The following B3GALT1 variants were observed in gnomAD, a reference collection of about 807,000 sequenced individuals.
B3GALT1 encodes the protein UDP-Gal:betaGlcNAc beta 1,3-galactosyltransferase, polypeptide 1.
A neutral mutation model predicts 23.2 loss-of-function variants in B3GALT1; 10 were observed. That is an observed-to-expected ratio of 0.43 (90% confidence interval 0.27 to 0.73). The LOEUF is 0.73. Ranked by LOEUF, B3GALT1 falls within the 30% of genes least tolerant of loss-of-function variation. The probability of loss-of-function intolerance (pLI) is 0.21; values close to 1 mark genes in which losing one functional copy is unlikely to be tolerated. For missense variants in B3GALT1, 299 were observed against 405.4 expected (o/e 0.74, Z 2.25); for synonymous variants, 156 against 141.5 (o/e 1.10, Z -0.73).
chr2:167,832,992 A>G (rs1488921428), intron 4 of B3GALT1, among the ~76,000 whole-genome samples: 1 of 152,224 alleles, frequency 6.6e-6, no homozygotes, highest in African/African-American at 2.4e-5. Context: ...ATGGGAAGCA[A>G]GTTCAATGGA....
chr2:167,541,458 T>C (rs1035794852), intron 2 of B3GALT1, among the ~76,000 whole-genome samples: 7 of 152,158 alleles, frequency 4.6e-5, no homozygotes, highest in Non-Finnish European at 8.8e-5. Flanking sequence ...TATTTGAAAA[T>C]GTCTTGCACA....
chr2:167,303,121 T>C (rs1696477459), intron 1 of B3GALT1, among the ~76,000 whole-genome samples: 1 of 152,196 alleles, frequency 6.6e-6, no homozygotes, highest in South Asian at 2.1e-4. Flanking sequence ...TGGTTGATCA[T>C]TGGTTGCCTT....
At chr2:167,342,467 G>T (rs1230959347) in intron 1 of B3GALT1, among the ~76,000 whole-genome samples, 1 of 151,994 alleles carries the variant, frequency 6.6e-6, no homozygotes, top group Non-Finnish European at 1.5e-5. Context: ...GCACACGTCT[G>T]TAGTCTCAGC....
intron 2 of B3GALT1, among the ~76,000 whole-genome samples, chr2:167,500,592 C>T (rs1699836552): frequency 6.6e-6 from 1 of 151,206 alleles, no homozygotes; most frequent in Non-Finnish European, 1.5e-5. Context: ...AGATAAGAGG[C>T]TCTGTGCTAC....
At chr2:167,402,453 A>G (rs1428480107) in intron 1 of B3GALT1, among the ~76,000 whole-genome samples, 1 of 152,170 alleles carries the variant, frequency 6.6e-6, no homozygotes, top group East Asian at 1.9e-4. Flanking sequence ...CTCTGATAGA[A>G]TAGCTAAGTG....
chr2:167,483,249 C>T (rs191167063), intron 1 of B3GALT1, among the ~76,000 whole-genome samples: 14 of 152,110 alleles, frequency 9.2e-5, no homozygotes, highest in South Asian at 2.1e-4. Context: ...GCTGAGATCG[C>T]GCCATTGCAC....
intron 3 of B3GALT1, among the ~76,000 whole-genome samples, chr2:167,733,240 C>T (rs1045654151): frequency 1.3e-5 from 2 of 152,080 alleles, no homozygotes; most frequent in Non-Finnish European, 2.9e-5. Context: ...AACTTCTCAT[C>T]GGGCTGTTTA....
intron 2 of B3GALT1, among the ~76,000 whole-genome samples, chr2:167,579,696 A>C (rs949417915): frequency 6.6e-6 from 1 of 151,976 alleles, no homozygotes; most frequent in Non-Finnish European, 1.5e-5. Context: ...TTCCCTCTTG[A>C]TACTGCAGTC....
intron 3 of B3GALT1, among the ~76,000 whole-genome samples, chr2:167,680,406 TGAGAGA>T (rs60938313): frequency 1.3e-5 from 2 of 149,486 alleles, no homozygotes; most frequent in Non-Finnish European, 3.0e-5. Flanking sequence ...AGAAACAGAT[TGAGAGA>T]GAGAGAGAGA....
intron 2 of B3GALT1, among the ~76,000 whole-genome samples, chr2:167,628,822 C>A (rs1306242261): frequency 2.0e-5 from 3 of 151,524 alleles, no homozygotes; most frequent in South Asian, 2.1e-4. Flanking sequence ...CTATATTTTG[C>A]TAAAAATATA....
intron 3 of B3GALT1, among the ~76,000 whole-genome samples, chr2:167,724,285 G>C (rs894109223): frequency 3.3e-5 from 5 of 152,130 alleles, no homozygotes; most frequent in African/African-American, 1.2e-4. Context: ...AGTCCTACAG[G>C]GGAAACCTCA....
chr2:167,359,314 T>A (rs1414897795), intron 1 of B3GALT1, among the ~76,000 whole-genome samples: 1 of 152,198 alleles, frequency 6.6e-6, no homozygotes, highest in Non-Finnish European at 1.5e-5. Flanking sequence ...GAATCTAATA[T>A]GTGTTTAACA....
At chr2:167,667,310 T>C (rs1048507985) in intron 3 of B3GALT1, among the ~76,000 whole-genome samples, 1 of 152,252 alleles carries the variant, frequency 6.6e-6, no homozygotes, top group Admixed American at 6.5e-5. Context: ...GAGTTTCTGC[T>C]GAGAGATCAG....
intron 3 of B3GALT1, among the ~76,000 whole-genome samples, chr2:167,724,034 A>G (rs1245375934): frequency 2.0e-5 from 3 of 152,224 alleles, no homozygotes; most frequent in African/African-American, 7.2e-5. Context: ...AGATTCAACC[A>G]GTTACCTAGA....
intron 3 of B3GALT1, among the ~76,000 whole-genome samples, chr2:167,731,618 A>G (rs578095603): frequency 9.8e-5 from 15 of 152,326 alleles, no homozygotes; most frequent in African/African-American, 3.6e-4. Flanking sequence ...AAATGCTGGA[A>G]TTCATTTGAT....
At chr2:167,565,529 A>C (rs146734951) in intron 2 of B3GALT1, among the ~76,000 whole-genome samples, 4 of 152,302 alleles carry the variant, frequency 2.6e-5, no homozygotes, top group East Asian at 3.9e-4. Flanking sequence ...AACTAAGGAG[A>C]TTCTGCACAG....
intron 2 of B3GALT1, among the ~76,000 whole-genome samples, chr2:167,637,963 T>C (rs1685587883): frequency 1.3e-5 from 2 of 151,974 alleles, no homozygotes; most frequent in Admixed American, 6.6e-5. Flanking sequence ...ACATCAATAG[T>C]AGTGGCTATA....
chr2:167,813,500 TC>T (rs1031279323), intron 3 of B3GALT1, among the ~76,000 whole-genome samples: 3 of 152,060 alleles, frequency 2.0e-5, no homozygotes, highest in Non-Finnish European at 2.9e-5. Context: ...CAGGACAACT[TC>T]CCCCCCATTT....
chr2:167,320,701 T>G (rs532546231), intron 1 of B3GALT1, among the ~76,000 whole-genome samples: 17 of 152,262 alleles, frequency 1.1e-4, no homozygotes, highest in African/African-American at 4.1e-4. Flanking sequence ...GATTACAAAC[T>G]GATTATCATT....
Sources: gnomAD v4.1 joint callset for allele counts (sites outside exome capture counted in the v4.1 genomes callset) on GRCh38, gnomAD v4.1.1 for gene constraint, MANE v1.5 for transcripts, NCBI Gene and HGNC (gene_info 2026-07-23, HGNC 2026-07-21) for gene names.